CDK14: variants seen among roughly 807,000 people sequenced by gnomAD.
The protein encoded by CDK14 is cyclin dependent kinase 14.
CDK14 carries 34 observed loss-of-function variants against 60.7 expected under a neutral mutation model. The observed-to-expected ratio is 0.56, with a 90% CI of 0.43 to 0.75. The LOEUF (loss-of-function observed/expected upper bound fraction) is 0.75. Ranked by LOEUF, CDK14 falls within the 30% of genes least tolerant of loss-of-function variation. The pLI, the probability that CDK14 is intolerant of heterozygous loss-of-function variation, is 0.00. For synonymous variants in CDK14, 197 were observed against 203.7 expected, an observed-to-expected ratio of 0.97 and a Z score of 0.28; for missense variants, 482 against 564.1, an observed-to-expected ratio of 0.85 and a Z score of 1.47.
At chr7:90,834,788 A>T (rs1790036241) in intron 5 of CDK14, among the ~76,000 whole-genome samples, 1 of 152,180 alleles carries the variant, frequency 6.6e-6, no homozygotes. Flanking sequence ...TATGGGAATA[A>T]CAGGTTTGGG....
At chr7:90,855,509 G>A (rs1225693552) in intron 5 of CDK14, among the ~76,000 whole-genome samples, 1 of 152,150 alleles carries the variant, frequency 6.6e-6, no homozygotes, top group East Asian at 1.9e-4. Flanking sequence ...AAAGATATAT[G>A]TAGGATATTA....
At chr7:90,709,209 C>G (rs1488970816) in intron 2 of CDK14, 7 of 283,056 alleles carry the variant, frequency 2.5e-5, no homozygotes, top group Non-Finnish European at 3.9e-5. Flanking sequence ...GACTTCTCAT[C>G]ATACTCCATT....
intron 1 of CDK14, among the ~76,000 whole-genome samples, chr7:90,600,608 T>TCC (rs1799295119): frequency 6.6e-6 from 1 of 152,256 alleles, no homozygotes; most frequent in Non-Finnish European, 1.5e-5. Flanking sequence ...TGTAACTGTG[T>TCC]AATTCTAGAG....
At chr7:90,609,025 GTTATTA>G (rs926792611) in intron 2 of CDK14, among the ~76,000 whole-genome samples, 5 of 152,146 alleles carry the variant, frequency 3.3e-5, no homozygotes, top group Admixed American at 1.3e-4. Context: ...AAAGGTGGCA[GTTATTA>G]TTATTATTTT....
At chr7:90,962,577 T>C (rs1342603047) in intron 9 of CDK14, among the ~76,000 whole-genome samples, 2 of 152,214 alleles carry the variant, frequency 1.3e-5, no homozygotes, top group African/African-American at 4.8e-5. Context: ...AGTATATGTG[T>C]GTTTTCAGTG....
intron 14 of CDK14, among the ~76,000 whole-genome samples, chr7:91,180,204 T>C (rs1323850534): frequency 6.6e-6 from 1 of 152,210 alleles, no homozygotes; most frequent in East Asian, 1.9e-4. Flanking sequence ...GTAAGCATGA[T>C]CATTAATGCT....
rs1796801889 is a variant in CDK14, at chr7:91,032,822, A to T, written c.1042-13075A>T. Among the ~76,000 whole-genome samples the T allele has an allele frequency of 5.9e-5, 9 of 152,240 alleles. No individual in the cohort carries two copies. The South Asian group carries it at 1.9e-3, about 32-fold the overall frequency. On this transcript the variant is annotated intron_variant, in intron 10 of 14. Transcript: ENST00000380050. ...TTGTTACAGCAGTCACGGGAAATCA[A>T]TACATTCATATTAACATATTTTTGA...
chr7:90,867,044 T>C (rs1408065994), intron 6 of CDK14, among the ~76,000 whole-genome samples: 2 of 152,262 alleles, frequency 1.3e-5, no homozygotes, highest in East Asian at 3.9e-4. Flanking sequence ...TGTGGGCCCC[T>C]CTGATGCATG....
At chr7:91,202,955 C>G (rs756993629) in intron 14 of CDK14, among the ~76,000 whole-genome samples, 1 of 152,148 alleles carries the variant, frequency 6.6e-6, no homozygotes, top group Non-Finnish European at 1.5e-5. Flanking sequence ...AGATTACACT[C>G]AAAGAATCAG....
chr7:90,857,540 A>G (rs1030690851), intron 5 of CDK14, among the ~76,000 whole-genome samples: 1 of 152,254 alleles, frequency 6.6e-6, no homozygotes, highest in African/African-American at 2.4e-5. Context: ...AAATAAATTT[A>G]AAACATTGCC....
intron 11 of CDK14, among the ~76,000 whole-genome samples, chr7:91,077,755 C>T (rs903533561): frequency 3.3e-5 from 5 of 151,700 alleles, no homozygotes; most frequent in Admixed American, 2.6e-4. Flanking sequence ...CACACACACA[C>T]ACACACACAC....
chr7:90,779,850 C>T (rs2116925900), intron 4 of CDK14, among the ~76,000 whole-genome samples: 1 of 152,286 alleles, frequency 6.6e-6, no homozygotes, highest in East Asian at 1.9e-4. Context: ...ATCAACTATA[C>T]AGTATTAAAA....
intron 8 of CDK14, among the ~76,000 whole-genome samples, chr7:90,922,003 G>A (rs950318276): frequency 6.6e-6 from 1 of 152,174 alleles, no homozygotes; most frequent in African/African-American, 2.4e-5. Flanking sequence ...CATAAGAATA[G>A]TAGTAAACAG....
chr7:91,164,897 T>C (rs1327401739), intron 14 of CDK14, among the ~76,000 whole-genome samples: 1 of 152,066 alleles, frequency 6.6e-6, no homozygotes, highest in East Asian at 1.9e-4. Context: ...TGATCCAAGG[T>C]TGGGGTCTAA....
At chr7:91,060,540 G>A (rs979417610) in intron 11 of CDK14, among the ~76,000 whole-genome samples, 5 of 152,078 alleles carry the variant, frequency 3.3e-5, no homozygotes, top group Admixed American at 1.3e-4. Flanking sequence ...GGCTGGTACC[G>A]ATTGTTCCTT....
chr7:90,684,817 C>T (rs1288347150), intron 2 of CDK14, among the ~76,000 whole-genome samples: 1 of 152,032 alleles, frequency 6.6e-6, no homozygotes, highest in African/African-American at 2.4e-5. Context: ...ATCCATCTAC[C>T]CACCCATGTA....
intron 3 of CDK14, among the ~76,000 whole-genome samples, chr7:90,731,777 C>G (rs1802875514): frequency 6.6e-6 from 1 of 152,074 alleles, no homozygotes; most frequent in Non-Finnish European, 1.5e-5. Flanking sequence ...ACAATCATGT[C>G]TCTGCAAACA....
chr7:90,927,788 G>C (rs917152024), intron 8 of CDK14, among the ~76,000 whole-genome samples: 1 of 152,024 alleles, frequency 6.6e-6, no homozygotes, highest in African/African-American at 2.4e-5. Context: ...AGTTCTCCTG[G>C]TTAATATCCT....
chr7:90,773,425 G>T (rs774494910), intron 4 of CDK14, among the ~76,000 whole-genome samples: 2 of 152,214 alleles, frequency 1.3e-5, no homozygotes, highest in Non-Finnish European at 2.9e-5. Flanking sequence ...AGGTATTAGC[G>T]TGATTAAATG....
Sources: allele counts gnomAD v4.1 joint callset (sites outside exome capture counted in the v4.1 genomes callset), GRCh38; gene constraint gnomAD v4.1.1; transcripts MANE v1.5; gene names NCBI Gene and HGNC (gene_info 2026-07-23, HGNC 2026-07-21).